The following TENM1 variants were observed in gnomAD, a reference collection of about 807,000 sequenced individuals.
TENM1 encodes the protein teneurin-1.
Under a neutral mutation model 174.8 loss-of-function variants are expected in TENM1, and 35 were observed. The observed-to-expected ratio is 0.20, with a 90% CI of 0.15 to 0.27. The LOEUF is 0.27. TENM1 is among the 10% of genes least tolerant of loss of function. The pLI is 1.00. For missense variants in TENM1, 1,633 were observed against 2,130.1 expected (o/e 0.77, Z 4.59); for synonymous variants, 781 against 798.7 (o/e 0.98, Z 0.37).
rs372268468 is a variant in TENM1, at chrX:124,867,547, A to C, written c.535+26749T>G. The stretch of plus-strand genomic sequence containing the variant: ...AGCTGGCATCATACTAAATGCGGAA[A>C]AACTCAAAGCCTTTCCTTTAAGACC... On this transcript the variant is annotated intron_variant, in intron 3 of 31. Coordinates refer to ENST00000422452, the Ensembl canonical transcript of TENM1. Among the ~76,000 whole-genome samples the C allele has an allele frequency of 1.6e-3, 174 of 112,194 alleles. 1 individual carries two copies. In the South Asian group the frequency reaches 0.06, roughly 39 times the overall value.
intron 1 of TENM1, among the ~76,000 whole-genome samples, chrX:124,962,732 C>T (rs1165955529): frequency 1.8e-5 from 2 of 110,613 alleles, no homozygotes; most frequent in African/African-American, 3.3e-5. Context: ...GCAGGACAAT[C>T]GCTTGAACCT....
At chrX:125,135,762 G>A in the TENM1 span, among the ~76,000 whole-genome samples, 1 of 111,746 alleles carries the variant, frequency 8.9e-6, no homozygotes, top group Non-Finnish European at 1.9e-5. Context: ...TAATCTTTAG[G>A]ATAGTTCAAC....
the TENM1 span, among the ~76,000 whole-genome samples, chrX:125,185,514 AC>A: frequency 4.4e-5 from 5 of 112,647 alleles, no homozygotes; most frequent in African/African-American, 1.6e-4. Flanking sequence ...AAATTTTAAA[AC>A]AATGCATTTC....
At chrX:124,973,426 T>C in the TENM1 span, among the ~76,000 whole-genome samples, 1 of 111,800 alleles carries the variant, frequency 8.9e-6, no homozygotes, top group Non-Finnish European at 1.9e-5. Context: ...GTAGTTTTTT[T>C]CTAATTCTGT....
At chrX:124,508,092 C>T (rs968309624) in intron 18 of TENM1, among the ~76,000 whole-genome samples, 35 of 111,453 alleles carry the variant, frequency 3.1e-4, no homozygotes, top group African/African-American at 3.6e-4. Context: ...GACAAAAAAC[C>T]GAAAGAACCA....
chrX:124,556,834 T>C (rs2048706620), intron 14 of TENM1, among the ~76,000 whole-genome samples: 1 of 111,662 alleles, frequency 9.0e-6, no homozygotes, highest in African/African-American at 3.3e-5. Context: ...AGAAATAAAG[T>C]TTATATTTTA....
chrX:124,382,022 A>T (rs755595483), intron 31 of TENM1, among the ~76,000 whole-genome samples: 2 of 111,377 alleles, frequency 1.8e-5, no homozygotes, highest in African/African-American at 6.5e-5. Flanking sequence ...TCAAGGCCTC[A>T]CACCCAAATT....
intron 1 of TENM1, among the ~76,000 whole-genome samples, chrX:124,921,804 G>A (rs924169777): frequency 9.0e-6 from 1 of 111,709 alleles, no homozygotes; most frequent in African/African-American, 3.2e-5. Flanking sequence ...CACTTGAAAT[G>A]TGGCTAGTCT....
intron 23 of TENM1, among the ~76,000 whole-genome samples, chrX:124,442,242 G>A (rs1387738207): frequency 8.9e-6 from 1 of 111,940 alleles, no homozygotes; most frequent in Admixed American, 9.5e-5. Flanking sequence ...GTGGTGGGGT[G>A]GAGGTGGTGA....
chrX:124,628,464 A>G (rs923169575), intron 11 of TENM1, among the ~76,000 whole-genome samples: 6 of 111,359 alleles, frequency 5.4e-5, no homozygotes, highest in Middle Eastern at 4.7e-3. Context: ...AATTTAAATA[A>G]TATATTTTAT....
At chrX:125,053,364 G>A in the TENM1 span, among the ~76,000 whole-genome samples, 2 of 112,029 alleles carry the variant, frequency 1.8e-5, no homozygotes, top group East Asian at 5.7e-4. Flanking sequence ...GCAAGTTATT[G>A]AGCCTCATTT....
At chrX:125,204,257 C>T in the TENM1 span, 1 of 112,108 alleles carries the variant, frequency 8.9e-6, no homozygotes. Flanking sequence ...GGGTGCTGGG[C>T]GTCTGCTCGG....
At chrX:125,172,130 A>G in the TENM1 span, among the ~76,000 whole-genome samples, 2 of 111,847 alleles carry the variant, frequency 1.8e-5, no homozygotes, top group East Asian at 5.6e-4. Flanking sequence ...ATCTGACTAT[A>G]AAAATGCTGT....
chrX:124,591,574 T>C (rs1017301839), intron 11 of TENM1, among the ~76,000 whole-genome samples: 4 of 111,732 alleles, frequency 3.6e-5, no homozygotes, highest in African/African-American at 1.3e-4. Context: ...GCTTGTAAGG[T>C]TTCTGCTGAT....
At chrX:124,497,771 T>C (rs144658868) in intron 19 of TENM1, among the ~76,000 whole-genome samples, 2,138 of 111,770 alleles carry the variant, frequency 0.019, 47 homozygotes, top group African/African-American at 0.066. Context: ...AGAAAAGAAA[T>C]CCTACTGCTA....
At chrX:124,667,423 C>G (rs1231859217) in intron 6 of TENM1, among the ~76,000 whole-genome samples, 1 of 109,637 alleles carries the variant, frequency 9.1e-6, no homozygotes, top group Non-Finnish European at 1.9e-5. Context: ...AACCCCATCT[C>G]TACTAAAAAT....
At chrX:124,666,865 C>A (rs2051778969) in intron 6 of TENM1, among the ~76,000 whole-genome samples, 1 of 53,181 alleles carries the variant, frequency 1.9e-5, no homozygotes, top group Admixed American at 2.6e-4. Flanking sequence ...CCATCTACCC[C>A]TTCCTAATAA....
chrX:124,903,924 T>C lies in TENM1; in HGVS notation c.218-7683A>G, dbSNP rs1221339365. 4.5e-5 allele frequency among the ~76,000 whole-genome samples: 5 copies of C among 111,795 alleles called. No individual in the cohort carries two copies. The Admixed American group carries it at 4.7e-4, about 11-fold the overall frequency. On this transcript the variant is annotated intron_variant, in intron 1 of 31. Transcript: ENST00000422452. ...CCCTAAAAATTTCTCATTTCTTACA[T>C]GTGCTGGCCCAATTTTCTGGCTGGT...
At chrX:124,733,461 G>A (rs1372247394) in intron 4 of TENM1, among the ~76,000 whole-genome samples, 1 of 111,913 alleles carries the variant, frequency 8.9e-6, no homozygotes, top group Non-Finnish European at 1.9e-5. Context: ...TTTCTACTAC[G>A]TTAGTTTGAT....
Sources: allele counts gnomAD v4.1 joint callset (sites outside exome capture counted in the v4.1 genomes callset), GRCh38; gene constraint gnomAD v4.1.1; transcripts MANE v1.5; gene names NCBI Gene and HGNC (gene_info 2026-07-23, HGNC 2026-07-21).